The following ZNF180 variants were observed in gnomAD, a reference collection of about 807,000 sequenced individuals.
ZNF180 encodes the protein zinc finger protein 180, also known as zinc finger protein 180 (HHZ168).
ZNF180 carries 11 observed loss-of-function variants against 11.8 expected under a neutral mutation model. That is an observed-to-expected ratio of 0.93 (90% CI 0.59 to 1.55). ZNF180 has a LOEUF of 1.55. Ranked by LOEUF, ZNF180 falls within the 40% of genes most tolerant of loss-of-function variation. ZNF180 has a pLI of 0.00. For missense variants in ZNF180, 773 were observed against 781.7 expected (o/e 0.99, Z 0.13); for synonymous variants, 287 against 257.7 (o/e 1.11, Z -1.09).
chr19:44,477,887 CTT>C lies in ZNF180; in HGVS notation c.511_512del (p.Lys171GlufsTer21). 1 of 1,613,944 alleles carries C rather than the reference CTT, an allele frequency of 6.2e-7. No homozygotes were observed. Among genetic ancestry groups the C allele is most frequent in the Non-Finnish European group, 8.5e-7 (1 of 1,179,998 alleles). ...AAAATAGACTGGAATTCAGACCACT[CTT>C]CTCCCCAGTTTCATCACTTTTGCAG... ...RVCKSDETGE[K>X]SGLNSSLFSS... On this transcript the variant is annotated frameshift_variant, in exon 5 of 5. Transcript: ENST00000592529. LOFTEE classifies it low-confidence loss of function (END_TRUNC).
chr19:44,482,983 A>T (rs984756823), intron 3 of ZNF180, among the ~76,000 whole-genome samples: 1 of 152,246 alleles, frequency 6.6e-6, no homozygotes, highest in Non-Finnish European at 1.5e-5. Context: ...GCTGCTCTTC[A>T]TCAGCTCATT....
chr19:44,482,481 G>A (rs1204676843), intron 3 of ZNF180, among the ~76,000 whole-genome samples: 1 of 151,906 alleles, frequency 6.6e-6, no homozygotes, highest in Non-Finnish European at 1.5e-5. Context: ...CATCAAAGAA[G>A]GAGTGCATGT....
At chr19:44,493,195 C>T (rs1970492445) in intron 2 of ZNF180, among the ~76,000 whole-genome samples, 1 of 152,186 alleles carries the variant, frequency 6.6e-6, no homozygotes, top group Non-Finnish European at 1.5e-5. Context: ...TGCACAACTT[C>T]GAATGTTGAG....
chr19:44,481,090 C>G (rs1414217412), intron 3 of ZNF180, among the ~76,000 whole-genome samples: 1 of 152,164 alleles, frequency 6.6e-6, no homozygotes, highest in Non-Finnish European at 1.5e-5. Context: ...AGGAAAGGGC[C>G]TGTTCTTAAG....
intron 4 of ZNF180, 28 bp from the exon 5 acceptor site, chr19:44,478,174 A>G: frequency 6.6e-7 from 1 of 1,508,518 alleles, no homozygotes; most frequent in Non-Finnish European, 8.8e-7. Context: ...AAGACATCTT[A>G]GTCAAAAAAT....
At position 44,476,318 on chromosome 19, in the gene ZNF180, G is replaced by C; in HGVS notation, c.*84C>G. 1 of 1,299,794 alleles carries C rather than the reference G, an allele frequency of 7.7e-7. No individual in the cohort carries two copies. Among genetic ancestry groups the C allele is most frequent in the Admixed American group, 2.5e-5 (1 of 39,716 alleles). The allele number at this position is 1,299,794 out of a possible 1,614,324, so 80.5% of individuals were successfully genotyped here. ...TCCCACATATATTGTTTTTATAGTA[G>C]TTCTTCCAACTACATGTACTACCTT... On this transcript the variant is annotated 3_prime_UTR_variant, in exon 5 of 5. Coordinates refer to ENST00000592529, the MANE Select transcript of ZNF180 (RefSeq NM_001278509.3).
At chr19:44,489,259 C>A (rs1394882404) in intron 2 of ZNF180, among the ~76,000 whole-genome samples, 1 of 133,900 alleles carries the variant, frequency 7.5e-6, no homozygotes, top group African/African-American at 2.7e-5. Flanking sequence ...TCATTGAGAA[C>A]GGGCCATGAT....
At chr19:44,497,725 C>T (rs1451377339) in intron 1 of ZNF180, among the ~76,000 whole-genome samples, 1 of 152,088 alleles carries the variant, frequency 6.6e-6, no homozygotes, top group African/African-American at 2.4e-5. Context: ...GGGATCCCCA[C>T]AAATATCAGG....
intron 4 of ZNF180, among the ~76,000 whole-genome samples, chr19:44,478,364 CT>C (rs1969989725): frequency 6.6e-6 from 1 of 152,174 alleles, no homozygotes. Context: ...CTATTGTAAT[CT>C]TGGTTTAATC....
intron 1 of ZNF180, among the ~76,000 whole-genome samples, chr19:44,498,098 G>A (rs111669367): frequency 6.6e-6 from 1 of 151,990 alleles, no homozygotes; most frequent in South Asian, 2.1e-4. Context: ...ACCCTCCCAG[G>A]CCCTGAATTT....
chr19:44,478,917 T>C (rs535784488), intron 4 of ZNF180, among the ~76,000 whole-genome samples: 1 of 152,338 alleles, frequency 6.6e-6, no homozygotes, highest in South Asian at 2.1e-4. Context: ...TGAACACATG[T>C]ATTGGAAAAT....
chr19:44,476,826 C>T lies in ZNF180; in HGVS notation c.1574G>A (p.Ser525Asn), dbSNP rs780470362. 3.2e-5 allele frequency: 51 copies of T among 1,613,514 alleles called. No individual in the cohort carries two copies. The highest frequency in any genetic ancestry group is 3.3e-4 in the Middle Eastern group (2 of 6,082). ...THTGEKPYEC[S>N]ECGKSFNRSS... ...GCGGTTAAAAGATTTTCCACATTCA[C>T]TACATTCATACGGTTTCTCTCCAGT... is the stretch of plus-strand genomic sequence containing the variant. Residue 525 changes from serine to asparagine, a missense_variant, in exon 5 of 5, where the codon AGT becomes AAT. Coordinates refer to ENST00000592529, the MANE Select transcript of ZNF180 (RefSeq NM_001278509.3).
intron 3 of ZNF180, among the ~76,000 whole-genome samples, chr19:44,482,952 A>AC (rs1232893262): frequency 6.6e-6 from 1 of 152,224 alleles, no homozygotes; most frequent in Non-Finnish European, 1.5e-5. Context: ...CATATGGCTA[A>AC]CCCAAGTCTC....
intron 2 of ZNF180, among the ~76,000 whole-genome samples, chr19:44,488,745 C>T (rs1568431766): frequency 6.6e-6 from 1 of 151,658 alleles, no homozygotes; most frequent in South Asian, 2.1e-4. Context: ...ATGTGAGGAG[C>T]CCCTCTGCCT....
chr19:44,490,023 AAGAC>A (rs1970397282), intron 2 of ZNF180, among the ~76,000 whole-genome samples: 1 of 43,520 alleles, frequency 2.3e-5, no homozygotes, highest in Non-Finnish European at 6.3e-5. Flanking sequence ...AAGAAAGAAA[AAGAC>A]AGGAAAGAAA....
Position 44,476,144 on chromosome 19 carries a change from A to G in ZNF180, c.*258T>C. 3.0e-6 allele frequency: 1 copy of G among 338,090 alleles called. No individual in the cohort carries two copies. The highest frequency in any genetic ancestry group is 5.3e-6 in the Non-Finnish European group (1 of 187,526). 20.9% of individuals were successfully genotyped at this position (338,090 alleles called of 1,614,324 possible). On this transcript the variant is annotated 3_prime_UTR_variant, in exon 5 of 5. Coordinates refer to ENST00000592529, the MANE Select transcript of ZNF180 (RefSeq NM_001278509.3). ...AGTGCTTTCTGCAAGGAAAAGTGCC[A>G]GTATTTATTATTTTCATAGGAATAT... is the stretch of plus-strand genomic sequence containing the variant.
At chr19:44,483,681 C>G (rs1430012170) in intron 3 of ZNF180, among the ~76,000 whole-genome samples, 1 of 139,984 alleles carries the variant, frequency 7.1e-6, no homozygotes, top group East Asian at 2.0e-4. Flanking sequence ...TTCCCTCAAC[C>G]TCACTGTTCC....
chr19:44,492,656 C>T (rs535250775), intron 2 of ZNF180, among the ~76,000 whole-genome samples: 1 of 134,934 alleles, frequency 7.4e-6, no homozygotes, highest in Non-Finnish European at 1.6e-5. Context: ...GCTATTTGCT[C>T]ACCTATAAAT....
At chr19:44,478,987 C>G (rs564607812) in intron 4 of ZNF180, among the ~76,000 whole-genome samples, 44 of 152,174 alleles carry the variant, frequency 2.9e-4, no homozygotes, top group African/African-American at 1.0e-3. Flanking sequence ...AAAAAGCTGA[C>G]AAGGAAAGAT....
Sources: allele counts gnomAD v4.1 joint callset (sites outside exome capture counted in the v4.1 genomes callset), GRCh38; gene constraint gnomAD v4.1.1; transcripts MANE v1.5; gene names NCBI Gene and HGNC (gene_info 2026-07-23, HGNC 2026-07-21).